PPP4R4: variants seen among roughly 807,000 people sequenced by gnomAD.
The protein encoded by PPP4R4 is protein phosphatase 4 regulatory subunit 4.
In PPP4R4, 70 loss-of-function variants were observed where a neutral mutation model predicts 121.8. The ratio of observed to expected loss-of-function variants is 0.57; its 90% CI spans 0.47 to 0.70. PPP4R4 has a LOEUF of 0.70. Ranked by LOEUF, PPP4R4 falls within the 30% of genes least tolerant of loss-of-function variation. The pLI, the probability that PPP4R4 is intolerant of heterozygous loss-of-function variation, is 0.00. For missense variants in PPP4R4, 875 were observed against 1,033.6 expected, an observed-to-expected ratio of 0.85 and a Z score of 2.10; for synonymous variants, 348 against 355.7, an observed-to-expected ratio of 0.98 and a Z score of 0.24.
At chr14:94,191,334 C>T (rs944435245) in intron 2 of PPP4R4, among the ~76,000 whole-genome samples, 2 of 123,254 alleles carry the variant, frequency 1.6e-5, no homozygotes, top group African/African-American at 6.2e-5. Context: ...CTGTTTTTTT[C>T]AGGCAAATTT....
intron 14 of PPP4R4, among the ~76,000 whole-genome samples, chr14:94,248,890 T>A (rs1258001303): frequency 6.6e-6 from 1 of 152,148 alleles, no homozygotes; most frequent in Non-Finnish European, 1.5e-5. Context: ...GTAGTAGCTA[T>A]TTTTAATGGT....
intron 12 of PPP4R4, 81 bp downstream of exon 12, chr14:94,244,793 G>A: frequency 7.5e-7 from 1 of 1,333,904 alleles, no homozygotes; most frequent in Non-Finnish European, 9.8e-7. Context: ...CCTTCTTCTT[G>A]GAATCGTGTC....
intron 23 of PPP4R4, among the ~76,000 whole-genome samples, chr14:94,270,944 CAAA>C (rs554119175): frequency 2.0e-5 from 3 of 149,482 alleles, no homozygotes; most frequent in South Asian, 2.1e-4. Context: ...ACAACAACAA[CAAA>C]AAAAGACTCA....
intron 3 of PPP4R4, among the ~76,000 whole-genome samples, chr14:94,229,218 A>G (rs925014023): frequency 2.0e-5 from 3 of 152,122 alleles, no homozygotes; most frequent in Non-Finnish European, 4.4e-5. Flanking sequence ...TTTTTGAGTA[A>G]TTGAGGCTGG....
chr14:94,234,486 T>C, intron 6 of PPP4R4, 76 bp from the exon 7 acceptor site: 4 of 885,736 alleles, frequency 4.5e-6, no homozygotes, highest in Non-Finnish European at 7.2e-6. Flanking sequence ...TGAGTTAAGA[T>C]TTTAATGATA....
chr14:94,229,813 G>T (rs1245489375), intron 3 of PPP4R4, among the ~76,000 whole-genome samples: 2 of 152,022 alleles, frequency 1.3e-5, no homozygotes, highest in Non-Finnish European at 2.9e-5. Flanking sequence ...ACTTCTTGTT[G>T]CCTTTACATT....
intron 14 of PPP4R4, among the ~76,000 whole-genome samples, chr14:94,247,262 G>A (rs1445653986): frequency 6.6e-6 from 1 of 152,140 alleles, no homozygotes; most frequent in African/African-American, 2.4e-5. Context: ...CTGTGATCTC[G>A]GCACAGAAGG....
At chr14:94,235,194 T>TA (rs1427608098) in intron 7 of PPP4R4, among the ~76,000 whole-genome samples, 3 of 152,076 alleles carry the variant, frequency 2.0e-5, no homozygotes, top group Admixed American at 2.0e-4. Context: ...GTTCAGGAAA[T>TA]ATTGACAAGA....
At chr14:94,196,955 A>T (rs1265694194) in intron 2 of PPP4R4, among the ~76,000 whole-genome samples, 5 of 151,820 alleles carry the variant, frequency 3.3e-5, no homozygotes, top group African/African-American at 1.2e-4. Context: ...CATGATCCTT[A>T]TTTTTCATTT....
intron 3 of PPP4R4, among the ~76,000 whole-genome samples, chr14:94,219,166 G>C (rs927139049): frequency 1.5e-4 from 21 of 139,710 alleles, no homozygotes; most frequent in African/African-American, 5.2e-4. Flanking sequence ...TGCAACCTCT[G>C]CCTCCCGGGT....
At chr14:94,195,697 A>T (rs773762206) in intron 2 of PPP4R4, among the ~76,000 whole-genome samples, 1 of 152,056 alleles carries the variant, frequency 6.6e-6, no homozygotes, top group Non-Finnish European at 1.5e-5. Flanking sequence ...TCCCTAGACC[A>T]TGAGTAGAGG....
chr14:94,263,846 T>C (rs1015369797), intron 19 of PPP4R4, among the ~76,000 whole-genome samples: 12 of 152,372 alleles, frequency 7.9e-5, no homozygotes, highest in African/African-American at 2.4e-4. Flanking sequence ...AGTCCACTTC[T>C]ATGTGGAAAT....
intron 3 of PPP4R4, chr14:94,227,199 C>T (rs1014169186): frequency 5.9e-5 from 60 of 1,024,538 alleles, no homozygotes; most frequent in Non-Finnish European, 6.2e-5. Context: ...GGATGCCAGC[C>T]GTACAATAGT....
chr14:94,275,100 G>T (rs1894560921), intron 23 of PPP4R4, among the ~76,000 whole-genome samples: 1 of 152,152 alleles, frequency 6.6e-6, no homozygotes. Flanking sequence ...TAGTTGACAG[G>T]AGTGGTTTGG....
chr14:94,231,200 A>T lies in PPP4R4; in HGVS notation c.443-42A>T, dbSNP rs760921395. 4.0e-6 allele frequency: 6 copies of T among 1,486,234 alleles called. No individual in the cohort carries two copies. The East Asian group carries it at 1.1e-4, about 28-fold the overall frequency. The allele number at this position is 1,486,234 out of a possible 1,614,324, so 92.1% of individuals were successfully genotyped here. On this transcript the variant is annotated intron_variant, in intron 4 of 24. Coordinates refer to ENST00000304338, the MANE Select transcript of PPP4R4 (RefSeq NM_058237.2). ...ATGGCTGAGTTGAAACTGAATTTGA[A>T]GTGAGACGTTTAATTTAGTATGTTT... is the stretch of plus-strand genomic sequence containing the variant.
At chr14:94,230,929 G>A (rs957576619) in intron 4 of PPP4R4, among the ~76,000 whole-genome samples, 195 bp downstream of exon 4, 3 of 152,116 alleles carry the variant, frequency 2.0e-5, no homozygotes, top group African/African-American at 4.8e-5. Context: ...CTTGAAAGCT[G>A]AAGATCCATT....
intron 2 of PPP4R4, among the ~76,000 whole-genome samples, chr14:94,196,414 G>C (rs1016185076): frequency 7.0e-6 from 1 of 142,718 alleles, no homozygotes; most frequent in Non-Finnish European, 1.5e-5. Context: ...CCAGGTTCAA[G>C]TGATTCCTCC....
chr14:94,255,214 T>A (rs72704305), intron 16 of PPP4R4, among the ~76,000 whole-genome samples: 31,133 of 152,094 alleles, frequency 0.2, 3,713 homozygotes, highest in East Asian at 0.59. Flanking sequence ...GAAATAACCA[T>A]CACATCTGCT....
chr14:94,278,050 A>G (rs1470123834), intron 24 of PPP4R4, among the ~76,000 whole-genome samples: 1 of 152,162 alleles, frequency 6.6e-6, no homozygotes, highest in Non-Finnish European at 1.5e-5. Flanking sequence ...CTTCTGTGAA[A>G]TAGTATCCAC....
Sources: gnomAD v4.1 joint callset for allele counts (sites outside exome capture counted in the v4.1 genomes callset) on GRCh38, gnomAD v4.1.1 for gene constraint, MANE v1.5 for transcripts, NCBI Gene and HGNC (gene_info 2026-07-23, HGNC 2026-07-21) for gene names.